DOCK3: variants seen among roughly 807,000 people sequenced by gnomAD.
DOCK3 encodes dedicator of cytokinesis protein 3.
In DOCK3, 60 loss-of-function variants were observed where a neutral mutation model predicts 265.6. That is an observed-to-expected ratio of 0.23 (90% CI 0.18 to 0.28). DOCK3 has a LOEUF of 0.28. DOCK3 is among the 10% of genes least tolerant of loss of function. The pLI, the probability that DOCK3 is intolerant of heterozygous loss-of-function variation, is 1.00. For synonymous variants in DOCK3, 881 were observed against 938.0 expected (o/e 0.94, Z 1.11); for missense variants, 1,981 against 2,594.3 (o/e 0.76, Z 5.14).
At chr3:50,920,413 C>T (rs139064121) in intron 4 of DOCK3, among the ~76,000 whole-genome samples, 14,354 of 152,178 alleles carry the variant, frequency 0.094, 833 homozygotes, top group Non-Finnish European at 0.12. Flanking sequence ...TTAATTATTG[C>T]CTCAATTTCA....
At chr3:51,038,121 T>C (rs1204060917) in intron 5 of DOCK3, among the ~76,000 whole-genome samples, 1 of 152,176 alleles carries the variant, frequency 6.6e-6, no homozygotes, top group Non-Finnish European at 1.5e-5. Context: ...CAGAGTCAAA[T>C]GCTAGTGTTG....
At chr3:51,349,275 T>C (rs760198123) in intron 39 of DOCK3, among the ~76,000 whole-genome samples, 26 of 152,218 alleles carry the variant, frequency 1.7e-4, no homozygotes, top group Non-Finnish European at 3.2e-4. Flanking sequence ...TCATCCAAAA[T>C]CTTTTTAAGA....
intron 12 of DOCK3, among the ~76,000 whole-genome samples, chr3:51,196,898 A>T (rs916989086): frequency 6.6e-6 from 1 of 152,284 alleles, no homozygotes; most frequent in African/African-American, 2.4e-5. Flanking sequence ...GATACTTATT[A>T]TGTTCCTTTG....
At chr3:50,733,689 C>G (rs2038370934) in intron 1 of DOCK3, among the ~76,000 whole-genome samples, 1 of 152,012 alleles carries the variant, frequency 6.6e-6, no homozygotes, top group Non-Finnish European at 1.5e-5. Flanking sequence ...CACTCTGTGT[C>G]TTTTTTGGAG....
Position 51,377,329 on chromosome 3 carries a change from C to T in DOCK3, c.5500+1494C>T, listed in dbSNP as rs144690453. The stretch of plus-strand genomic sequence containing the variant: ...CAACACACAGGCCAGAGCGTAGCTC[C>T]CTAAGTCTCTACCTGGATCCTCCAG... On this transcript the variant is annotated intron_variant, in intron 51 of 52. Coordinates refer to ENST00000266037, the MANE Select transcript of DOCK3 (RefSeq NM_004947.5). Among the ~76,000 whole-genome samples the T allele has an allele frequency of 7.9e-5, 12 of 152,370 alleles. No individual in the cohort carries two copies. The East Asian group carries it at 1.9e-3, about 24-fold the overall frequency.
chr3:50,915,539 C>A (rs2050073620), intron 4 of DOCK3, among the ~76,000 whole-genome samples: 1 of 152,044 alleles, frequency 6.6e-6, no homozygotes, highest in African/African-American at 2.4e-5. Flanking sequence ...AGACACCATT[C>A]TGTTTCTCTG....
At chr3:51,068,173 G>A (rs1001424553) in intron 6 of DOCK3, among the ~76,000 whole-genome samples, 2 of 152,152 alleles carry the variant, frequency 1.3e-5, no homozygotes, top group Admixed American at 1.3e-4. Context: ...GTTATTAGTA[G>A]TGTATTGATT....
At chr3:51,378,072 C>T (rs909990691) in intron 51 of DOCK3, among the ~76,000 whole-genome samples, 2 of 152,126 alleles carry the variant, frequency 1.3e-5, no homozygotes, top group Admixed American at 6.5e-5. Context: ...TGGGATGGCT[C>T]AGGCTCTCTA....
rs28620855 is a variant in DOCK3 at position 50,814,507 on chromosome 3, C to T, written c.122-27168C>T. On this transcript the variant is annotated intron_variant, in intron 2 of 52. Transcript: ENST00000266037. Reference sequence around the variant, plus strand: ...TACGGAGCTCCTAGTGTCAAGTGATCTGCCTGCCTTGGCCTCCTAAAGTGT... The same window carrying T: ...TACGGAGCTCCTAGTGTCAAGTGATTTGCCTGCCTTGGCCTCCTAAAGTGT... Among the ~76,000 whole-genome samples, 419 of 152,108 alleles carry T rather than the reference C, an allele frequency of 2.8e-3. 1 individual carries two copies. Among genetic ancestry groups the T allele is most frequent in the African/African-American group, 9.7e-3 (401 of 41,488 alleles).
chr3:51,375,604 A>C, intron 50 of DOCK3, 144 bp from the exon 51 acceptor site: 1 of 865,658 alleles, frequency 1.2e-6, no homozygotes, highest in Non-Finnish European at 1.9e-6. Flanking sequence ...TGGGGGTCTC[A>C]GTATATCTCA....
intron 23 of DOCK3, among the ~76,000 whole-genome samples, chr3:51,265,298 C>T (rs1169076435): frequency 1.3e-5 from 2 of 152,204 alleles, no homozygotes; most frequent in Non-Finnish European, 2.9e-5. Context: ...ACCATTCCTT[C>T]TGAAACTATT....
At chr3:51,293,359 A>C (rs1163980104) in intron 27 of DOCK3, among the ~76,000 whole-genome samples, 5 of 152,234 alleles carry the variant, frequency 3.3e-5, no homozygotes, top group Non-Finnish European at 7.3e-5. Flanking sequence ...CAAAGATGCC[A>C]AGAACACACA....
chr3:51,223,327 C>A (rs892160874), intron 14 of DOCK3, among the ~76,000 whole-genome samples: 1 of 152,084 alleles, frequency 6.6e-6, no homozygotes, highest in Admixed American at 6.5e-5. Flanking sequence ...TATTGATTAA[C>A]CTGTGTATAG....
At chr3:51,120,358 C>G (rs2106715452) in intron 9 of DOCK3, among the ~76,000 whole-genome samples, 1 of 152,210 alleles carries the variant, frequency 6.6e-6, no homozygotes, top group East Asian at 1.9e-4. Context: ...AGAGGGGCAC[C>G]CATTGGGTGC....
Position 51,137,429 on chromosome 3 carries a change from C to T in DOCK3, c.747-9120C>T, listed in dbSNP as rs1306493154. Among the ~76,000 whole-genome samples, 5 of 152,122 alleles carry T rather than the reference C, an allele frequency of 3.3e-5. No individual in the cohort carries two copies. The South Asian group carries it at 6.2e-4, about 19-fold the overall frequency. On this transcript the variant is annotated intron_variant, in intron 9 of 52. Transcript: ENST00000266037. ...TAAATTTATTTGAGAAAACTGCTTC[C>T]GTTTCCAAAACAGAGTCTTTAGGAT...
intron 12 of DOCK3, among the ~76,000 whole-genome samples, chr3:51,165,535 A>T (rs1403806177): frequency 2.0e-5 from 3 of 152,198 alleles, no homozygotes; most frequent in Admixed American, 6.5e-5. Context: ...AAATCTCCAG[A>T]AGTTATTTAT....
intron 1 of DOCK3, among the ~76,000 whole-genome samples, chr3:50,750,620 G>C (rs913402279): frequency 6.6e-6 from 1 of 152,078 alleles, no homozygotes; most frequent in Non-Finnish European, 1.5e-5. Context: ...GAGCTACCGC[G>C]CCTGGCCTAC....
Position 50,916,378 on chromosome 3 carries a change from G to A in DOCK3, c.219-17603G>A, listed in dbSNP as rs190478922. Among the ~76,000 whole-genome samples the A allele has an allele frequency of 6.6e-5, 10 of 152,028 alleles. No individual in the cohort carries two copies. In the South Asian group the frequency reaches 1.0e-3, roughly 16 times the overall value. ...GCAATCTTGGCTCACTGCAAGCTCC[G>A]CCTCCTGGTTTCCAGCTGAGCCCAG... On this transcript the variant is annotated intron_variant, in intron 4 of 52. Transcript: ENST00000266037.
chr3:50,948,707 T>A (rs1297194734), intron 5 of DOCK3, among the ~76,000 whole-genome samples: 1 of 151,968 alleles, frequency 6.6e-6, no homozygotes, highest in Non-Finnish European at 1.5e-5. Context: ...TCAAAACTGC[T>A]AGTTTCAAGT....
Sources: gnomAD v4.1 joint callset for allele counts (sites outside exome capture counted in the v4.1 genomes callset) on GRCh38, gnomAD v4.1.1 for gene constraint, MANE v1.5 for transcripts, NCBI Gene and HGNC (gene_info 2026-07-23, HGNC 2026-07-21) for gene names.